The following TTC28 variants were observed in gnomAD, a reference collection of about 807,000 sequenced individuals.
TTC28 encodes tetratricopeptide repeat domain 28, also known as tetratricopeptide repeat protein 28.
In TTC28, 61 loss-of-function variants were observed where a neutral mutation model predicts 198.0. The observed-to-expected ratio is 0.31, with a 90% confidence interval of 0.25 to 0.38. TTC28 has a LOEUF of 0.38. TTC28 is among the 10% of genes least tolerant of loss of function. TTC28 has a pLI of 1.00. For missense variants in TTC28, 2,678 were observed against 3,164.0 expected, an observed-to-expected ratio of 0.85 and a Z score of 3.69; for synonymous variants, 1,171 against 1,297.8, an observed-to-expected ratio of 0.90 and a Z score of 2.10.
At chr22:28,422,330 G>A (rs1274381326) in intron 2 of TTC28, among the ~76,000 whole-genome samples, 5 of 152,078 alleles carry the variant, frequency 3.3e-5, no homozygotes, top group South Asian at 2.1e-4. Flanking sequence ...CCTACATAAC[G>A]CAATACCACA....
chr22:28,424,408 C>T (rs1312500001), intron 2 of TTC28, among the ~76,000 whole-genome samples: 2 of 152,170 alleles, frequency 1.3e-5, no homozygotes, highest in Non-Finnish European at 2.9e-5. Flanking sequence ...TCTCAGTGTT[C>T]TCAAGATTTT....
intron 2 of TTC28, among the ~76,000 whole-genome samples, chr22:28,616,211 CA>C (rs1179687881): frequency 6.6e-6 from 1 of 152,040 alleles, no homozygotes; most frequent in Non-Finnish European, 1.5e-5. Flanking sequence ...GGTTTAAGTC[CA>C]AATCTTCCAG....
chr22:28,494,729 G>T (rs1166572353), intron 2 of TTC28, among the ~76,000 whole-genome samples: 1 of 151,758 alleles, frequency 6.6e-6, no homozygotes, highest in Non-Finnish European at 1.5e-5. Context: ...ACAAAGTCAT[G>T]CATCTGAATA....
intron 1 of TTC28, among the ~76,000 whole-genome samples, chr22:28,670,316 C>G (rs972357888): frequency 2.0e-5 from 3 of 152,140 alleles, no homozygotes; most frequent in Admixed American, 1.3e-4. Context: ...TCACCCCATA[C>G]CCATCAGCAG....
At chr22:28,411,552 C>T (rs6005780) in intron 2 of TTC28, among the ~76,000 whole-genome samples, 6,157 of 152,166 alleles carry the variant, frequency 0.04, 153 homozygotes, top group African/African-American at 0.059. Flanking sequence ...TACCATGTTC[C>T]CTGACAACTA....
intron 2 of TTC28, among the ~76,000 whole-genome samples, chr22:28,487,422 T>C (rs2048326113): frequency 6.6e-6 from 1 of 151,844 alleles, no homozygotes; most frequent in Admixed American, 6.6e-5. Context: ...TATAAATGCA[T>C]ATATAAATTT....
chr22:28,542,007 T>A (rs948063158), intron 2 of TTC28, among the ~76,000 whole-genome samples: 1 of 152,124 alleles, frequency 6.6e-6, no homozygotes, highest in Admixed American at 6.6e-5. Context: ...GAGGATCACT[T>A]GAGCCCTGGA....
At chr22:28,663,353 G>C (rs2051783490) in intron 1 of TTC28, among the ~76,000 whole-genome samples, 1 of 151,218 alleles carries the variant, frequency 6.6e-6, no homozygotes, top group Non-Finnish European at 1.5e-5. Flanking sequence ...CGACACAGAA[G>C]ACGGGTGATT....
At chr22:28,224,555 T>G (rs746319542) in intron 5 of TTC28, among the ~76,000 whole-genome samples, 23 of 152,234 alleles carry the variant, frequency 1.5e-4, no homozygotes, top group Non-Finnish European at 1.8e-4. Context: ...TGCTAAAAAC[T>G]AGGAGCTGGC....
intron 2 of TTC28, among the ~76,000 whole-genome samples, chr22:28,508,851 A>T (rs558647066): frequency 6.6e-6 from 1 of 152,164 alleles, no homozygotes; most frequent in South Asian, 2.1e-4. Flanking sequence ...AATATTCAGG[A>T]CCTGAACTCA....
rs1486832574 is a variant in TTC28, at chr22:27,990,837, AAG to A, written c.5554-27_5554-26del. On this transcript the variant is annotated intron_variant, in intron 19 of 22. Coordinates refer to ENST00000397906, the MANE Select transcript of TTC28 (RefSeq NM_001145418.2). ...CCTTCGGCCAGCAGATTATAAGAAA[AAG>A]AAAGAAAGAGAGAAAGAAGAGAGTT... is the stretch of plus-strand genomic sequence containing the variant. 3.9e-6 allele frequency: 6 copies of A among 1,544,022 alleles called. No individual in the cohort carries two copies. The Admixed American group carries it at 7.9e-5, about 20-fold the overall frequency.
chr22:28,362,030 T>C (rs1296693964), intron 2 of TTC28, among the ~76,000 whole-genome samples: 4 of 152,198 alleles, frequency 2.6e-5, no homozygotes, highest in South Asian at 2.1e-4. Flanking sequence ...CTGATGGAGA[T>C]GTACAAGGAG....
At chr22:28,147,985 C>G (rs1195020666) in intron 6 of TTC28, among the ~76,000 whole-genome samples, 3 of 152,140 alleles carry the variant, frequency 2.0e-5, no homozygotes, top group African/African-American at 4.8e-5. Context: ...AAAGAAGAAA[C>G]AGTGTGATAT....
At chr22:28,629,204 A>C (rs1014003200) in intron 2 of TTC28, among the ~76,000 whole-genome samples, 5 of 152,168 alleles carry the variant, frequency 3.3e-5, no homozygotes, top group Non-Finnish European at 7.3e-5. Flanking sequence ...AATTGAAGGA[A>C]AGAAACATCA....
rs181719966 is a variant in TTC28 at position 28,067,370 on chromosome 22, G to T, written c.3932+26710C>A. 9.3e-4 allele frequency among the ~76,000 whole-genome samples: 142 copies of T among 152,248 alleles called. 1 individual carries two copies. The highest frequency in any genetic ancestry group is 3.3e-3 in the African/African-American group (135 of 41,528). On this transcript the variant is annotated intron_variant, in intron 12 of 22. Coordinates refer to ENST00000397906, the MANE Select transcript of TTC28 (RefSeq NM_001145418.2). Reference sequence around the variant, plus strand: ...AGTATGCGTCTGACAAACGTTTCCTGAATGAATGAATATTTCAATAATTAG... The same window carrying T: ...AGTATGCGTCTGACAAACGTTTCCTTAATGAATGAATATTTCAATAATTAG...
In TTC28 at chr22:28,679,804, TC is replaced by T; in HGVS notation, c.-82del. ...CGCGCGCCGGTTCCGCGCGCCATGT[TC>T]CCGCCGTGCTGCGCGCCGCCGCGGC... On this transcript the variant is annotated 5_prime_UTR_variant, in exon 1 of 23. Coordinates refer to ENST00000397906, the MANE Select transcript of TTC28 (RefSeq NM_001145418.2). 1.4e-6 allele frequency: 1 copy of T among 709,350 alleles called. No individual in the cohort carries two copies. The highest frequency in any genetic ancestry group is 1.8e-6 in the Non-Finnish European group (1 of 546,824). The allele number at this position is 709,350 out of a possible 1,614,324, so 43.9% of individuals were successfully genotyped here.
chr22:28,313,230 A>C (rs554211781), intron 2 of TTC28, among the ~76,000 whole-genome samples: 1 of 152,202 alleles, frequency 6.6e-6, no homozygotes, highest in East Asian at 1.9e-4. Context: ...ATAGCCTACC[A>C]AACAAAAACA....
chr22:28,366,756 A>T (rs2046253990), intron 2 of TTC28, among the ~76,000 whole-genome samples: 1 of 152,084 alleles, frequency 6.6e-6, no homozygotes, highest in Admixed American at 6.6e-5. Flanking sequence ...AAGACATTCC[A>T]TGCGAACATA....
intron 2 of TTC28, among the ~76,000 whole-genome samples, chr22:28,337,070 T>C (rs1480708937): frequency 6.6e-6 from 1 of 152,188 alleles, no homozygotes; most frequent in Non-Finnish European, 1.5e-5. Context: ...AAAGAACATC[T>C]TTATTTCTGC....
Sources: gnomAD v4.1 joint callset for allele counts (sites outside exome capture counted in the v4.1 genomes callset) on GRCh38, gnomAD v4.1.1 for gene constraint, MANE v1.5 for transcripts, NCBI Gene and HGNC (gene_info 2026-07-23, HGNC 2026-07-21) for gene names.